The following MPHOSPH6 variants were observed in gnomAD, a reference collection of about 807,000 sequenced individuals.
MPHOSPH6 encodes the protein M-phase phosphoprotein 6.
Under a neutral mutation model 21.8 loss-of-function variants are expected in MPHOSPH6, and 25 were observed. That is an observed-to-expected ratio of 1.15 (90% CI 0.83 to 1.60). The LOEUF (loss-of-function observed/expected upper bound fraction) is 1.60. Among genes scored for constraint, MPHOSPH6 ranks in the 40% most tolerant of loss-of-function variants. The pLI is 0.00. For missense variants in MPHOSPH6, 269 were observed against 181.8 expected, an observed-to-expected ratio of 1.48 and a Z score of -2.76; for synonymous variants, 84 against 56.5, an observed-to-expected ratio of 1.49 and a Z score of -2.18.
intron 1 of MPHOSPH6, among the ~76,000 whole-genome samples, chr16:82,169,854 C>T (rs537612134): frequency 6.0e-4 from 91 of 152,300 alleles, no homozygotes; most frequent in Admixed American, 2.6e-3. Flanking sequence ...GCGCTTCTAC[C>T]CTCACTGCAC....
At position 82,170,146 on chromosome 16, in the gene MPHOSPH6, G is replaced by T. The variant is rs371483838; in HGVS notation, c.30C>A (p.Ser10=). The T allele has an allele frequency of 1.9e-4, 296 of 1,596,230 alleles. No homozygotes were observed. Among genetic ancestry groups the T allele is most frequent in the Non-Finnish European group, 2.4e-4 (285 of 1,171,472 alleles). The change falls in exon 1 of 5, where the codon TCC becomes TCA. Residue 10 remains serine (S), a synonymous_variant. Transcript: ENST00000258169. ...GCACCTTCATGCGCAGTAGATTCTT[G>T]GACAACCTTGTCTTTCGCTCGGCCG... The part of the protein sequence containing the change: MAAERKTRL[S]KNLLRMKFMQ...
chr16:82,155,297 G>A (rs950390614), intron 2 of MPHOSPH6, among the ~76,000 whole-genome samples: 11 of 152,136 alleles, frequency 7.2e-5, no homozygotes, highest in East Asian at 3.8e-4. Flanking sequence ...TACTCTTGTC[G>A]TTTCTATTCA....
chr16:82,168,274 CT>C (rs1158221196), intron 1 of MPHOSPH6, among the ~76,000 whole-genome samples: 10 of 152,190 alleles, frequency 6.6e-5, no homozygotes, highest in Non-Finnish European at 1.5e-4. Context: ...CTCCACTTCT[CT>C]GAAGTTAATG....
intron 2 of MPHOSPH6, among the ~76,000 whole-genome samples, chr16:82,159,756 A>T (rs74249010): frequency 0.12 from 17,910 of 151,756 alleles, 1,294 homozygotes; most frequent in East Asian, 0.29. Flanking sequence ...GAGTTCCAAA[A>T]CTCTGAGAAC....
At chr16:82,161,559 C>T (rs1315478711) in intron 2 of MPHOSPH6, among the ~76,000 whole-genome samples, 1 of 152,178 alleles carries the variant, frequency 6.6e-6, no homozygotes, top group African/African-American at 2.4e-5. Context: ...AATTTCACTC[C>T]TAGGAATTCA....
At chr16:82,155,898 C>G (rs1261195914) in intron 2 of MPHOSPH6, among the ~76,000 whole-genome samples, 1 of 146,034 alleles carries the variant, frequency 6.8e-6, no homozygotes, top group Non-Finnish European at 1.5e-5. Flanking sequence ...GAGTGACACT[C>G]TGTCTCAAAA....
intron 1 of MPHOSPH6, chr16:82,164,808 G>A (rs1906714243): frequency 6.6e-6 from 1 of 152,208 alleles, no homozygotes; most frequent in African/African-American, 2.4e-5. Context: ...TCTGCTCTTC[G>A]TTTTTATTTT....
At chr16:82,166,987 C>G (rs1906802194) in intron 1 of MPHOSPH6, among the ~76,000 whole-genome samples, 1 of 152,194 alleles carries the variant, frequency 6.6e-6, no homozygotes, top group Non-Finnish European at 1.5e-5. Flanking sequence ...GGACTCAGAG[C>G]AGGCATCAGC....
chr16:82,149,472 C>T, intron 3 of MPHOSPH6, 69 bp from the exon 4 acceptor site: 1 of 1,344,194 alleles, frequency 7.4e-7, no homozygotes, highest in South Asian at 1.2e-5. Context: ...GTCAAACTTA[C>T]CTGAAGGCAG....
intron 2 of MPHOSPH6, among the ~76,000 whole-genome samples, chr16:82,163,099 T>C (rs1316472903): frequency 6.6e-6 from 1 of 152,162 alleles, no homozygotes; most frequent in Non-Finnish European, 1.5e-5. Context: ...GGACATACTT[T>C]CTATCTTTAG....
chr16:82,163,889 G>C (rs1318181871), intron 2 of MPHOSPH6, 193 bp downstream of exon 2: 5 of 498,812 alleles, frequency 1.0e-5, no homozygotes, highest in African/African-American at 6.0e-5. Context: ...TGGCTGGGAG[G>C]GGGAGTAGTA....
chr16:82,148,563 C>T lies in MPHOSPH6; in HGVS notation c.*168G>A, dbSNP rs1906155265. ...TGAATACCAAGAAGCAAAGGATGTA[C>T]AACATCCATCACACATCTGTTTCAA... On this transcript the variant is annotated 3_prime_UTR_variant, in exon 5 of 5. Coordinates refer to ENST00000258169, the MANE Select transcript of MPHOSPH6 (RefSeq NM_005792.2). 3.8e-6 allele frequency: 3 copies of T among 794,452 alleles called. No homozygotes were observed. Among genetic ancestry groups the T allele is most frequent in the East Asian group, 5.4e-5 (2 of 36,890 alleles). The allele number at this position is 794,452 out of a possible 1,614,324, so 49.2% of individuals were successfully genotyped here.
chr16:82,165,060 T>A (rs1227393649), intron 1 of MPHOSPH6: 1 of 151,722 alleles, frequency 6.6e-6, no homozygotes, highest in Non-Finnish European at 1.5e-5. Context: ...GGTTTCAGCT[T>A]CCACTGGTTT....
intron 3 of MPHOSPH6, chr16:82,151,134 T>G (rs16956555): frequency 0.14 from 31,128 of 218,478 alleles, 3,093 homozygotes; most frequent in Admixed American, 0.34. Context: ...TAGCATGATA[T>G]GAATAAAATC....
intron 2 of MPHOSPH6, 98 bp downstream of exon 2, chr16:82,163,984 T>G (rs1906683169): frequency 4.0e-6 from 3 of 750,098 alleles, no homozygotes; most frequent in African/African-American, 1.8e-5. Context: ...CAGAAACAAT[T>G]TCATGGGCTT....
Position 82,170,072 on chromosome 16 carries a change from G to A in MPHOSPH6, c.51+53C>T, listed in dbSNP as rs1906921346. 3 of 1,551,496 alleles carry A rather than the reference G, an allele frequency of 1.9e-6. No homozygotes were observed. The Admixed American group carries it at 5.8e-5, about 30-fold the overall frequency. On this transcript the variant is annotated intron_variant, in intron 1 of 4. Transcript: ENST00000258169. The stretch of plus-strand genomic sequence containing the variant: ...CCGCCGCCTCGGCCCCGGCCAGGTT[G>A]GAAGGACCGGGTGCCCCTACCGCCC...
At chr16:82,166,435 G>C (rs1490017429) in intron 1 of MPHOSPH6, among the ~76,000 whole-genome samples, 1 of 152,130 alleles carries the variant, frequency 6.6e-6, no homozygotes. Flanking sequence ...TGTGTCCTTT[G>C]GTAAGACTTC....
At chr16:82,160,945 T>G (rs1341609120) in intron 2 of MPHOSPH6, among the ~76,000 whole-genome samples, 1 of 132,268 alleles carries the variant, frequency 7.6e-6, no homozygotes, top group Non-Finnish European at 1.6e-5. Context: ...CTCCCTACAC[T>G]CAGAGGAAAG....
chr16:82,163,816 G>A (rs1414403475), intron 2 of MPHOSPH6: 2 of 334,124 alleles, frequency 6.0e-6, no homozygotes, highest in African/African-American at 4.3e-5. Flanking sequence ...CCAAAGGTCT[G>A]CTGTTACTAT....
Sources: allele counts gnomAD v4.1 joint callset (sites outside exome capture counted in the v4.1 genomes callset), GRCh38; gene constraint gnomAD v4.1.1; transcripts MANE v1.5; gene names NCBI Gene and HGNC (gene_info 2026-07-23, HGNC 2026-07-21).